The following NBAS variants were observed in gnomAD, a reference collection of about 807,000 sequenced individuals.
NBAS encodes NAG/BC035112 fusion.
In NBAS, 219 loss-of-function variants were observed where a neutral mutation model predicts 302.5. The observed-to-expected ratio is 0.72, with a 90% CI of 0.65 to 0.81. The LOEUF (loss-of-function observed/expected upper bound fraction) is 0.81. Among genes scored for constraint, NBAS ranks in the 30% least tolerant of loss-of-function variants. The pLI is 0.00. For missense variants in NBAS, 2,932 were observed against 2,841.6 expected, an observed-to-expected ratio of 1.03 and a Z score of -0.72; for synonymous variants, 1,118 against 1,021.6, an observed-to-expected ratio of 1.09 and a Z score of -1.80.
At chr2:15,328,626 G>A (rs1021959070) in intron 36 of NBAS, among the ~76,000 whole-genome samples, 7 of 152,134 alleles carry the variant, frequency 4.6e-5, no homozygotes, top group Admixed American at 6.5e-5. Flanking sequence ...TTGTTCATAT[G>A]GTGAGTTTTT....
At chr2:15,020,134 A>G in the NBAS span, among the ~76,000 whole-genome samples, 1 of 152,204 alleles carries the variant, frequency 6.6e-6, no homozygotes, top group African/African-American at 2.4e-5. Context: ...TCACTGTATC[A>G]TGCTTTTGGA....
chr2:15,164,093 G>A (rs114073022), downstream of NBAS, among the ~76,000 whole-genome samples: 43 of 152,296 alleles, frequency 2.8e-4, no homozygotes, highest in East Asian at 2.5e-3. Context: ...CTCTATGCCC[G>A]GCCCGGTACT....
At chr2:14,906,115 T>C in the NBAS span, among the ~76,000 whole-genome samples, 3 of 151,914 alleles carry the variant, frequency 2.0e-5, no homozygotes, top group Admixed American at 6.6e-5. Context: ...GCAGCAGCAG[T>C]AGTAGTAGTA....
the NBAS span, among the ~76,000 whole-genome samples, chr2:14,869,143 A>G: frequency 6.6e-6 from 1 of 152,172 alleles, no homozygotes; most frequent in Non-Finnish European, 1.5e-5. Context: ...ACTAACTGCT[A>G]TTGTTATTGC....
At chr2:15,553,278 G>GT (rs1386108260) in intron 5 of NBAS, 148 bp downstream of exon 5, 3 of 718,364 alleles carry the variant, frequency 4.2e-6, no homozygotes, top group Admixed American at 4.7e-5. Flanking sequence ...TTTAACTGGC[G>GT]TAAGTTGGTG....
intron 9 of NBAS, among the ~76,000 whole-genome samples, chr2:15,526,391 G>A (rs1009980774): frequency 3.9e-5 from 6 of 151,952 alleles, no homozygotes; most frequent in East Asian, 1.9e-4. Context: ...TAGGCAAAAC[G>A]ATGAATTTCA....
At chr2:14,788,659 T>C in the NBAS span, among the ~76,000 whole-genome samples, 1 of 152,212 alleles carries the variant, frequency 6.6e-6, no homozygotes, top group Admixed American at 6.5e-5. Context: ...CCACAAATGC[T>C]GCTGTCTGAT....
At chr2:15,339,478 TTCC>T (rs749171191) in intron 35 of NBAS, among the ~76,000 whole-genome samples, 10 of 152,196 alleles carry the variant, frequency 6.6e-5, no homozygotes, top group Admixed American at 2.0e-4. Flanking sequence ...ATATCTTACT[TTCC>T]TCATTTACTC....
chr2:15,142,682 G>A, the NBAS span, among the ~76,000 whole-genome samples: 96 of 152,296 alleles, frequency 6.3e-4, no homozygotes, highest in Non-Finnish European at 1.1e-3. Context: ...CCACGGTGCC[G>A]GCTGTAAAGT....
At chr2:15,494,923 CCAGA>C (rs1238058435) in intron 11 of NBAS, among the ~76,000 whole-genome samples, 14 of 152,098 alleles carry the variant, frequency 9.2e-5, no homozygotes, top group African/African-American at 3.4e-4. Context: ...CAGCCAAAGC[CCAGA>C]CACTCATGTG....
At chr2:15,548,487 C>CA (rs1316717539) in intron 6 of NBAS, among the ~76,000 whole-genome samples, 3 of 151,732 alleles carry the variant, frequency 2.0e-5, no homozygotes, top group Non-Finnish European at 4.4e-5. Context: ...ATCAAAAATA[C>CA]AAAAAAATGC....
chr2:15,392,193 T>C (rs1002318355), intron 28 of NBAS, among the ~76,000 whole-genome samples: 2 of 151,500 alleles, frequency 1.3e-5, no homozygotes, highest in African/African-American at 4.8e-5. Flanking sequence ...TGCTTGCAAA[T>C]AATAATACAA....
the NBAS span, among the ~76,000 whole-genome samples, chr2:14,998,904 A>T: frequency 4.6e-5 from 7 of 152,358 alleles, no homozygotes; most frequent in African/African-American, 1.4e-4. Context: ...AAATCGGATC[A>T]TCTTCCAAGA....
Position 15,391,059 on chromosome 2 carries a change from G to A in NBAS, c.3257+3168C>T, listed in dbSNP as rs769861062. On this transcript the variant is annotated intron_variant, in intron 28 of 51. Coordinates refer to ENST00000281513, the MANE Select transcript of NBAS (RefSeq NM_015909.4). Reference sequence around the variant, plus strand: ...CTGGAGGTGGGGGTTGCAGTGAGCCGAGATCGCACCACTGCACTCTAGCCT... The same window carrying A: ...CTGGAGGTGGGGGTTGCAGTGAGCCAAGATCGCACCACTGCACTCTAGCCT... Among the ~76,000 whole-genome samples the A allele has an allele frequency of 3.3e-5, 5 of 151,634 alleles. No individual in the cohort carries two copies. The South Asian group carries it at 6.2e-4, about 19-fold the overall frequency.
the NBAS span, among the ~76,000 whole-genome samples, chr2:15,140,872 A>G: frequency 6.6e-6 from 1 of 152,212 alleles, no homozygotes; most frequent in African/African-American, 2.4e-5. Context: ...TACATTCATA[A>G]TAAGGTTGAA....
the NBAS span, among the ~76,000 whole-genome samples, chr2:14,949,051 G>T: frequency 2.0e-5 from 3 of 152,094 alleles, no homozygotes; most frequent in Non-Finnish European, 4.4e-5. Flanking sequence ...TCAGAAGAAT[G>T]AAACTAGACC....
chr2:15,174,092 G>GCAATGTGGGTTGCT (rs1456903252), intron 51 of NBAS, among the ~76,000 whole-genome samples: 1 of 152,164 alleles, frequency 6.6e-6, no homozygotes, highest in Non-Finnish European at 1.5e-5. Context: ...CATCCAGACA[G>GCAATGTGGGTTGCT]GAGGTACAAG....
intron 29 of NBAS, among the ~76,000 whole-genome samples, chr2:15,382,512 T>C (rs778899917): frequency 1.3e-5 from 2 of 152,136 alleles, no homozygotes; most frequent in African/African-American, 2.4e-5. Context: ...GAACTTTTAT[T>C]AGGAGTTTTC....
intron 11 of NBAS, among the ~76,000 whole-genome samples, chr2:15,490,186 T>C (rs902028187): frequency 1.6e-4 from 25 of 152,188 alleles, no homozygotes; most frequent in African/African-American, 5.5e-4. Flanking sequence ...CACTAAATTA[T>C]ATTATCAGCC....
Sources: allele counts gnomAD v4.1 joint callset (sites outside exome capture counted in the v4.1 genomes callset), GRCh38; gene constraint gnomAD v4.1.1; transcripts MANE v1.5; gene names NCBI Gene and HGNC (gene_info 2026-07-23, HGNC 2026-07-21).